HECW1: variants seen among roughly 807,000 people sequenced by gnomAD.
HECW1 encodes the protein E3 ubiquitin-protein ligase HECW1.
In HECW1, 61 loss-of-function variants were observed where a neutral mutation model predicts 182.3. The ratio of observed to expected loss-of-function variants is 0.33; its 90% CI spans 0.27 to 0.41. The LOEUF is 0.41. Among genes scored for constraint, HECW1 ranks in the 10% least tolerant of loss-of-function variants. The pLI, the probability that HECW1 is intolerant of heterozygous loss-of-function variation, is 1.00. For missense variants in HECW1, 1,739 were observed against 2,108.9 expected (o/e 0.82, Z 3.44); for synonymous variants, 859 against 832.6 (o/e 1.03, Z -0.55).
intron 3 of HECW1, among the ~76,000 whole-genome samples, chr7:43,302,044 A>T (rs1360135504): frequency 2.0e-5 from 3 of 152,178 alleles, no homozygotes; most frequent in Admixed American, 6.5e-5. Flanking sequence ...TTGAGTATTA[A>T]TTTCAATGAG....
At chr7:43,229,021 C>A (rs141791746) in intron 2 of HECW1, among the ~76,000 whole-genome samples, 1 of 152,080 alleles carries the variant, frequency 6.6e-6, no homozygotes, top group Non-Finnish European at 1.5e-5. Flanking sequence ...TTCCACAGTA[C>A]GAATGAATTA....
intron 15 of HECW1, among the ~76,000 whole-genome samples, chr7:43,468,471 G>A (rs913054394): frequency 3.9e-5 from 6 of 152,086 alleles, no homozygotes; most frequent in Non-Finnish European, 5.9e-5. Flanking sequence ...CAGGTGGAAC[G>A]GATATCACAG....
In HECW1 at chr7:43,554,618, C is replaced by T. The variant is rs202048147; in HGVS notation, c.4537C>T (p.Arg1513Cys). The change falls in exon 29 of 30, where the codon CGC becomes TGC. Residue 1513 changes from arginine (R) to cysteine (C), a missense_variant. This residue lies in a region of HECW1 where 420 missense variants were observed against 595.7 expected (regional missense o/e 0.71). Transcript: ENST00000395891. ...TTACCACGATGGGCATCTTGTGATC[C>T]GCTGGTTCTGGGCTGCGGTGGAGCG... Reference protein sequence around the residue: ...GGYHDGHLVIRWFWAAVERFN... With the variant: ...GGYHDGHLVICWFWAAVERFN... 2.1e-5 allele frequency: 34 copies of T among 1,613,276 alleles called. No homozygotes were observed. Among genetic ancestry groups the T allele is most frequent in the East Asian group, 6.7e-5 (3 of 44,878 alleles).
intron 4 of HECW1, among the ~76,000 whole-genome samples, chr7:43,317,316 C>T (rs1165686482): frequency 1.3e-5 from 2 of 152,176 alleles, no homozygotes; most frequent in Admixed American, 1.3e-4. Flanking sequence ...GCCGCCATGG[C>T]CTGGACAGCA....
At chr7:43,167,237 C>T (rs1791224795) in intron 2 of HECW1, among the ~76,000 whole-genome samples, 1 of 152,136 alleles carries the variant, frequency 6.6e-6, no homozygotes, top group South Asian at 2.1e-4. Context: ...TGACCTTTCT[C>T]GGTTTGTGGC....
At chr7:43,519,252 CTT>C (rs879834750) in intron 24 of HECW1, among the ~76,000 whole-genome samples, 4 of 143,922 alleles carry the variant, frequency 2.8e-5, no homozygotes, top group Admixed American at 6.9e-5. Context: ...AGAGTGCAGA[CTT>C]TTTTTTTTTT....
At chr7:43,176,488 G>C (rs780383863) in intron 2 of HECW1, among the ~76,000 whole-genome samples, 1 of 152,048 alleles carries the variant, frequency 6.6e-6, no homozygotes, top group Non-Finnish European at 1.5e-5. Flanking sequence ...AAAGTTGAGG[G>C]GCTTCATCTA....
chr7:43,293,238 A>G, intron 3 of HECW1, among the ~76,000 whole-genome samples: 1 of 140,330 alleles, frequency 7.1e-6, no homozygotes. Context: ...AAAAAAAAAG[A>G]AAAGAAAAGA....
chr7:43,232,614 A>G (rs1044169768), intron 2 of HECW1, among the ~76,000 whole-genome samples: 1 of 152,188 alleles, frequency 6.6e-6, no homozygotes, highest in African/African-American at 2.4e-5. Flanking sequence ...AGAACTGAAC[A>G]TGATGTTCTT....
rs1563135363 is a variant in HECW1 at position 43,565,060 on chromosome 7, C to G, written c.*3134C>G. 1 of 192,596 alleles carries G rather than the reference C, an allele frequency of 5.2e-6. No homozygotes were observed. The highest frequency in any genetic ancestry group is 1.1e-5 in the Non-Finnish European group (1 of 92,498). The allele number at this position is 192,596 out of a possible 1,614,324, so 11.9% of individuals were successfully genotyped here. Reference sequence around the variant, plus strand: ...ATTTATGTTACAACTTTGAAAAATGCTTTTAAAATTCTATAAAGTGTTATA... The same window carrying G: ...ATTTATGTTACAACTTTGAAAAATGGTTTTAAAATTCTATAAAGTGTTATA... On this transcript the variant is annotated 3_prime_UTR_variant, in exon 30 of 30. Transcript: ENST00000395891.
intron 3 of HECW1, among the ~76,000 whole-genome samples, chr7:43,286,754 A>C (rs1351574515): frequency 2.0e-5 from 3 of 152,140 alleles, no homozygotes; most frequent in African/African-American, 7.2e-5. Flanking sequence ...ACTACTAAAA[A>C]GTCATAGTCT....
chr7:43,440,129 C>T (rs2076839742), intron 9 of HECW1: 1 of 152,252 alleles, frequency 6.6e-6, no homozygotes, highest in Non-Finnish European at 1.5e-5. Context: ...AAGCAGTGGC[C>T]ATGCAGCCTG....
At chr7:43,374,213 A>T (rs73099575) in intron 6 of HECW1, among the ~76,000 whole-genome samples, 3,614 of 152,370 alleles carry the variant, frequency 0.024, 122 homozygotes, top group African/African-American at 0.075. Flanking sequence ...GAAAATTCAT[A>T]GAGGTTGGCT....
intron 12 of HECW1, among the ~76,000 whole-genome samples, chr7:43,455,185 C>T (rs1193149130): frequency 6.6e-6 from 1 of 152,004 alleles, no homozygotes; most frequent in Non-Finnish European, 1.5e-5. Flanking sequence ...TTCTTTATCT[C>T]GGGCTCCCTC....
chr7:43,166,990 G>C (rs576693809), intron 2 of HECW1, among the ~76,000 whole-genome samples: 1 of 152,228 alleles, frequency 6.6e-6, no homozygotes, highest in African/African-American at 2.4e-5. Context: ...ACGCAAGGCA[G>C]GCAAGAGGCA....
intron 13 of HECW1, among the ~76,000 whole-genome samples, chr7:43,457,774 CAA>C (rs71011918): frequency 8.9e-6 from 1 of 112,282 alleles, no homozygotes; most frequent in Non-Finnish European, 1.9e-5. Flanking sequence ...GACTCCATCT[CAA>C]AAAAAAAAAA....
intron 29 of HECW1, among the ~76,000 whole-genome samples, chr7:43,557,450 A>C (rs919563459): frequency 1.3e-4 from 20 of 152,252 alleles, no homozygotes; most frequent in Admixed American, 1.2e-3. Flanking sequence ...TGTGAGGGCC[A>C]GGAGAAAGGA....
At chr7:43,246,763 C>T (rs1405504839) in intron 3 of HECW1, among the ~76,000 whole-genome samples, 1 of 152,154 alleles carries the variant, frequency 6.6e-6, no homozygotes, top group Non-Finnish European at 1.5e-5. Flanking sequence ...TGTTAGGTCC[C>T]CTGAGAGGGC....
intron 3 of HECW1, among the ~76,000 whole-genome samples, chr7:43,252,853 T>A (rs1019859437): frequency 6.6e-6 from 1 of 152,224 alleles, no homozygotes; most frequent in Non-Finnish European, 1.5e-5. Context: ...GTGGAAAAAC[T>A]AATTAAAGTC....
Sources: gnomAD v4.1 joint callset for allele counts (sites outside exome capture counted in the v4.1 genomes callset) on GRCh38, gnomAD v4.1.1 for gene constraint, gnomAD v4.1.1 regional missense constraint, MANE v1.5 for transcripts, NCBI Gene and HGNC (gene_info 2026-07-23, HGNC 2026-07-21) for gene names.